The following TMEM184B variants were observed in gnomAD, a reference collection of about 807,000 sequenced individuals.
TMEM184B encodes transmembrane protein 184B.
TMEM184B carries 17 observed loss-of-function variants against 41.8 expected under a neutral mutation model. The ratio of observed to expected loss-of-function variants is 0.41; its 90% CI spans 0.28 to 0.61. The LOEUF (loss-of-function observed/expected upper bound fraction) is 0.61, where lower values mean the gene tolerates loss of function less well. Ranked by LOEUF, TMEM184B falls within the 20% of genes least tolerant of loss-of-function variation. The pLI is 0.34. For synonymous variants in TMEM184B, 240 were observed against 229.5 expected, an observed-to-expected ratio of 1.05 and a Z score of -0.41; for missense variants, 393 against 557.8, an observed-to-expected ratio of 0.70 and a Z score of 2.98.
rs2091613875 is a variant in TMEM184B at position 38,231,350 on chromosome 22, C to A, written c.359-16G>T. ...ATGACCAAGGCTGCGAAGAGAGTGT[C>A]CAGGAGAAACCAGTCAAATCAGCAG... On this transcript the variant is annotated splice_polypyrimidine_tract_variant and intron_variant, in intron 3 of 8. Coordinates refer to ENST00000361906, the MANE Select transcript of TMEM184B (RefSeq NM_012264.5). 6.2e-7 allele frequency: 1 copy of A among 1,600,058 alleles called. No individual in the cohort carries two copies. The highest frequency in any genetic ancestry group is 1.1e-5 in the South Asian group (1 of 90,820).
In TMEM184B at chr22:38,247,755, G is replaced by A. The variant is rs369245855; in HGVS notation, c.192+15C>T. The A allele has an allele frequency of 2.2e-5, 36 of 1,605,750 alleles. No individual in the cohort carries two copies. Among genetic ancestry groups the A allele is most frequent in the Non-Finnish European group, 3.0e-5 (35 of 1,174,490 alleles). On this transcript the variant is annotated intron_variant, in intron 2 of 8. Transcript: ENST00000361906. ...TTCTGGACCTTTCTAGAGGCCCCTT[G>A]CCAGGCTTGGGTACCTGGTGGCATG...
At chr22:38,268,084 G>C (rs1206829484) in intron 1 of TMEM184B, among the ~76,000 whole-genome samples, 3 of 152,164 alleles carry the variant, frequency 2.0e-5, no homozygotes, top group Admixed American at 6.5e-5. Flanking sequence ...TGAGTGCCCG[G>C]TAAGAATGCT....
At chr22:38,262,286 C>G (rs1327396866) in intron 1 of TMEM184B, among the ~76,000 whole-genome samples, 2 of 152,160 alleles carry the variant, frequency 1.3e-5, no homozygotes, top group East Asian at 1.9e-4. Context: ...AGGGAGCTTC[C>G]TTGGGTGCAG....
intron 1 of TMEM184B, among the ~76,000 whole-genome samples, chr22:38,249,312 CT>C (rs1487924061): frequency 6.6e-6 from 1 of 152,124 alleles, no homozygotes; most frequent in Non-Finnish European, 1.5e-5. Flanking sequence ...TCAAGCCTGG[CT>C]AATTTTCTAA....
rs35956053 is a variant in TMEM184B, at chr22:38,226,076, CT to C, written c.618-484del. On this transcript the variant is annotated intron_variant, in intron 6 of 8. Coordinates refer to ENST00000361906, the MANE Select transcript of TMEM184B (RefSeq NM_012264.5). This position sits in a 1 kb window ranked among gnomAD's most constrained non-coding sequence, Gnocchi z 4.6. ...AAGCACAGGGCTAGACACATGGTCA[CT>C]TTTTTTTTTTTTTTTTTTAGATATG... 7.7e-3 allele frequency among the ~76,000 whole-genome samples: 1,029 copies of C among 134,220 alleles called. 1 individual carries two copies. Among genetic ancestry groups the C allele is most frequent in the African/African-American group, 9.7e-3 (351 of 36,348 alleles). The allele number at this position is 134,220 out of a possible 152,430, so 88.1% of individuals were successfully genotyped here. A position where few individuals can be genotyped will look rare whatever the true frequency, so the allele number is the denominator to read the frequency against.
In TMEM184B at chr22:38,247,825, G is replaced by A. The variant is rs1442589585; in HGVS notation, c.137C>T (p.Ala46Val). The A allele has an allele frequency of 5.0e-6, 8 of 1,613,922 alleles. No homozygotes were observed. Among genetic ancestry groups the A allele is most frequent in the Non-Finnish European group, 6.8e-6 (8 of 1,180,022 alleles). ...CACGAAGAAGCCAGAGATGGCCTGA[G>A]CGGCAGTTGTCATCAGGAACACAGG... is the stretch of plus-strand genomic sequence containing the variant. ...EQPVFLMTTA[A>V]QAISGFFVWT... The change falls in exon 2 of 9, where the codon GCT (alanine) becomes GTT (valine). Residue 46 changes from alanine (A) to valine (V), a missense_variant. This residue lies in a region of TMEM184B where 122 missense variants were observed against 123.7 expected (regional missense o/e 0.99). Transcript: ENST00000361906.
chr22:38,230,611 G>A (rs943348714), intron 5 of TMEM184B, 58 bp downstream of exon 5: 18 of 1,559,508 alleles, frequency 1.2e-5, no homozygotes, highest in Middle Eastern at 1.7e-4. Context: ...GCCCACGGCA[G>A]GGCCTCCCAG....
intron 1 of TMEM184B, among the ~76,000 whole-genome samples, chr22:38,271,433 A>T (rs1438286634): frequency 1.3e-5 from 2 of 152,198 alleles, no homozygotes; most frequent in African/African-American, 2.4e-5. Flanking sequence ...GCAAATAGGG[A>T]CAACTGTTCC....
chr22:38,220,449 G>A lies in TMEM184B; in HGVS notation c.*1020C>T, dbSNP rs915274261. 33 of 985,756 alleles carry A rather than the reference G, an allele frequency of 3.3e-5. No individual in the cohort carries two copies. Among genetic ancestry groups the A allele is most frequent in the Admixed American group, 1.8e-4 (3 of 16,270 alleles). The allele number at this position is 985,756 out of a possible 1,614,324, so 61.1% of individuals were successfully genotyped here. Reference sequence around the variant, plus strand: ...CAGGCCCTGTGTGGATAGGGGCCCCGAGAGGAGTCTGGGACCATTCCCCCC... The same window carrying A: ...CAGGCCCTGTGTGGATAGGGGCCCCAAGAGGAGTCTGGGACCATTCCCCCC... On this transcript the variant is annotated 3_prime_UTR_variant, in exon 9 of 9. Transcript: ENST00000361906.
rs781205893 is a variant in TMEM184B at position 38,221,707 on chromosome 22, C to T, written c.986G>A (p.Arg329His). 65 of 1,613,238 alleles carry T rather than the reference C, an allele frequency of 4.0e-5. No homozygotes were observed. Among genetic ancestry groups the T allele is most frequent in the Non-Finnish European group, 5.1e-5 (60 of 1,179,762 alleles). ...GGAGATGCTCTTCATGGGGGCACAG[C>T]GGCCTGCCGGGCAGGGAGCGGGAGG... ...YADKRLDAQG[R>H]CAPMKSISSS... Residue 329 changes from arginine (R) to histidine (H), a missense_variant, in exon 9 of 9, where the codon CGC (arginine) becomes CAC (histidine). Arg to His is a conservative substitution (Grantham distance 29). Coordinates refer to ENST00000361906, the MANE Select transcript of TMEM184B (RefSeq NM_012264.5).
intron 3 of TMEM184B, among the ~76,000 whole-genome samples, chr22:38,234,282 G>A (rs914714422): frequency 6.6e-6 from 1 of 152,118 alleles, no homozygotes; most frequent in African/African-American, 2.4e-5. Context: ...ACCATGCAGC[G>A]GGGAAGCACG....
At chr22:38,254,900 G>A (rs927704856) in intron 1 of TMEM184B, among the ~76,000 whole-genome samples, 2 of 149,688 alleles carry the variant, frequency 1.3e-5, no homozygotes, top group African/African-American at 4.9e-5. Context: ...CGCCCAGGCT[G>A]GAGTGCACTG....
chr22:38,230,544 G>A, intron 5 of TMEM184B, 125 bp downstream of exon 5: 2 of 902,458 alleles, frequency 2.2e-6, no homozygotes, highest in South Asian at 1.5e-5. Context: ...GGGGGTGGGT[G>A]CTGGGGGCCT....
chr22:38,266,176 A>G (rs1475691842), intron 1 of TMEM184B, among the ~76,000 whole-genome samples: 1 of 152,178 alleles, frequency 6.6e-6, no homozygotes, highest in East Asian at 1.9e-4. Flanking sequence ...GGGTCTGTGG[A>G]TCCTGGCTTC....
chr22:38,245,487 C>A (rs895837271), intron 3 of TMEM184B, among the ~76,000 whole-genome samples: 1 of 146,100 alleles, frequency 6.8e-6, no homozygotes, highest in South Asian at 2.2e-4. Context: ...GGGGGAGGGC[C>A]CTTGCTTCCA....
chr22:38,232,824 T>C (rs1021326573), intron 3 of TMEM184B, among the ~76,000 whole-genome samples: 2 of 152,192 alleles, frequency 1.3e-5, no homozygotes, highest in Admixed American at 6.5e-5. Flanking sequence ...TATCCTTCGG[T>C]GCTTCTGCAC....
rs891331022 is a variant in TMEM184B, at chr22:38,245,827, G to T, written c.358+108C>A. ...CCCTGTAGTAGGTAAAGCAGCAAGG[G>T]GTGTGTCAAGACAGTCCTCATGAAG... is the stretch of plus-strand genomic sequence containing the variant. On this transcript the variant is annotated intron_variant, in intron 3 of 8. Coordinates refer to ENST00000361906, the MANE Select transcript of TMEM184B (RefSeq NM_012264.5). The T allele has an allele frequency of 8.7e-6, 10 of 1,143,858 alleles. No individual in the cohort carries two copies. The African/African-American group carries it at 1.4e-4, about 16-fold the overall frequency. The allele number at this position is 1,143,858 out of a possible 1,614,324, so 70.9% of individuals were successfully genotyped here.
chr22:38,230,583 A>G, intron 5 of TMEM184B, 86 bp downstream of exon 5: 1 of 1,410,886 alleles, frequency 7.1e-7, no homozygotes, highest in Non-Finnish European at 9.8e-7. Context: ...GGGGACCTCT[A>G]AGGTGGGGCC....
chr22:38,264,904 C>T (rs907398493), intron 1 of TMEM184B, among the ~76,000 whole-genome samples: 9 of 152,198 alleles, frequency 5.9e-5, no homozygotes, highest in African/African-American at 2.2e-4. Context: ...CTGACTGAGA[C>T]GGCCAGGCAC....
Sources: gnomAD v4.1 joint callset for allele counts (sites outside exome capture counted in the v4.1 genomes callset) on GRCh38, gnomAD v4.1.1 for gene constraint, gnomAD v4.1.1 regional missense constraint, Gnocchi (gnomAD v3.1) non-coding constraint, MANE v1.5 for transcripts, NCBI Gene and HGNC (gene_info 2026-07-23, HGNC 2026-07-21) for gene names.